OPRM1: variants seen among roughly 807,000 people sequenced by gnomAD.
OPRM1 encodes the protein mu-type opioid receptor.
OPRM1 carries 27 observed loss-of-function variants against 31.8 expected under a neutral mutation model. The observed-to-expected ratio is 0.85, with a 90% CI of 0.63 to 1.17. The LOEUF is 1.17. OPRM1 is among the 50% of genes most tolerant of loss of function. The pLI is 0.00. For synonymous variants in OPRM1, 196 were observed against 189.9 expected, an observed-to-expected ratio of 1.03 and a Z score of -0.26; for missense variants, 536 against 511.1, an observed-to-expected ratio of 1.05 and a Z score of -0.47.
chr6:154,052,233 G>T (rs1303239461), intron 1 of OPRM1, among the ~76,000 whole-genome samples: 1 of 151,972 alleles, frequency 6.6e-6, no homozygotes, highest in Non-Finnish European at 1.5e-5. Flanking sequence ...TGCATGAGGG[G>T]CTTAAAACCT....
intron 1 of OPRM1, among the ~76,000 whole-genome samples, chr6:154,067,746 A>G (rs1785755279): frequency 6.6e-6 from 1 of 151,916 alleles, no homozygotes; most frequent in African/African-American, 2.4e-5. Context: ...GTTCAGAGTA[A>G]GATATTGGCA....
rs1797368069 is a variant in OPRM1 at position 154,122,644 on chromosome 6, T to A, written c.*3923T>A. Among the ~76,000 whole-genome samples the A allele has an allele frequency of 6.6e-6, 1 of 152,232 alleles. No homozygotes were observed. Among genetic ancestry groups the A allele is most frequent in the Non-Finnish European group, 1.5e-5 (1 of 68,040 alleles). On this transcript the variant is annotated 3_prime_UTR_variant, in exon 4 of 4. Transcript: ENST00000330432. The stretch of plus-strand genomic sequence containing the variant: ...AATATAAAAAGTACAAGGAATTGTG[T>A]ACATTACAAACTGCTCCAGAAACAA...
At chr6:154,143,088 T>A (rs969200205) in intron 3 of OPRM1, among the ~76,000 whole-genome samples, 21 of 152,234 alleles carry the variant, frequency 1.4e-4, no homozygotes, top group African/African-American at 4.8e-4. Context: ...CTAATATATA[T>A]ATAAAAAAAG....
At chr6:154,081,696 G>T (rs1789195571) in intron 1 of OPRM1, among the ~76,000 whole-genome samples, 1 of 152,112 alleles carries the variant, frequency 6.6e-6, no homozygotes, top group Admixed American at 6.6e-5. Context: ...ACTTCGACGT[G>T]GTCAGAGAGG....
rs1791691188 is a variant in OPRM1 at position 154,090,040 on chromosome 6, A to G, written c.505A>G (p.Ile169Val). 6.2e-7 allele frequency: 1 copy of G among 1,613,900 alleles called. No individual in the cohort carries two copies. The highest frequency in any genetic ancestry group is 8.5e-7 in the Non-Finnish European group (1 of 1,179,920). ...CTGCACCATGAGTGTTGATCGATAC[A>G]TTGCAGTCTGCCACCCTGTCAAGGC... ...TLCTMSVDRYIAVCHPVKALD... is the reference protein window; with the variant it reads ...TLCTMSVDRYVAVCHPVKALD... Residue 169 changes from isoleucine (I) to valine (V), a missense_variant, in exon 2 of 4, where the codon ATT becomes GTT. By Grantham distance (29) the Ile-to-Val change is conservative. Transcript: ENST00000330432.
At chr6:154,230,395 A>G (rs1025224966) in intron 3 of OPRM1, among the ~76,000 whole-genome samples, 1 of 152,222 alleles carries the variant, frequency 6.6e-6, no homozygotes, top group Non-Finnish European at 1.5e-5. Context: ...AAAAAAATTA[A>G]GTCTTTTAGA....
intron 1 of OPRM1, among the ~76,000 whole-genome samples, chr6:154,067,248 A>C (rs1785621131): frequency 6.6e-6 from 1 of 151,128 alleles, no homozygotes; most frequent in African/African-American, 2.4e-5. Context: ...TAAGTTTTTA[A>C]GTTGTTAACT....
intron 3 of OPRM1, among the ~76,000 whole-genome samples, chr6:154,112,477 G>A (rs1433133484): frequency 6.6e-6 from 1 of 152,216 alleles, no homozygotes; most frequent in Non-Finnish European, 1.5e-5. Context: ...CACAGCAGCT[G>A]AGGAGTTCAG....
upstream of OPRM1, among the ~76,000 whole-genome samples, chr6:154,036,414 T>C (rs534723859): frequency 6.6e-6 from 1 of 151,956 alleles, no homozygotes; most frequent in South Asian, 2.1e-4. Flanking sequence ...TAAAGACCAA[T>C]AGAAAACAAA....
At chr6:154,019,840 C>A (rs993336318) in intron 1 of OPRM1, among the ~76,000 whole-genome samples, 6 of 149,624 alleles carry the variant, frequency 4.0e-5, no homozygotes, top group Admixed American at 2.0e-4. Context: ...CTCAAGCAAT[C>A]CCCCCATCTC....
intron 3 of OPRM1, among the ~76,000 whole-genome samples, chr6:154,110,129 A>T (rs897454995): frequency 1.3e-5 from 2 of 152,176 alleles, no homozygotes; most frequent in African/African-American, 2.4e-5. Flanking sequence ...TAAATACTTC[A>T]GTATACAAAA....
intron 3 of OPRM1, among the ~76,000 whole-genome samples, chr6:154,100,991 C>T (rs1162267996): frequency 2.0e-5 from 3 of 149,864 alleles, no homozygotes; most frequent in Non-Finnish European, 4.4e-5. Context: ...ACCTAAGTCC[C>T]TTGAAGTGTA....
chr6:154,030,900 C>T (rs936198598), intron 1 of OPRM1, among the ~76,000 whole-genome samples: 1 of 151,744 alleles, frequency 6.6e-6, no homozygotes, highest in Non-Finnish European at 1.5e-5. Context: ...TGAAAGCAGT[C>T]ACAGAACAGA....
intron 1 of OPRM1, among the ~76,000 whole-genome samples, chr6:154,014,259 G>A (rs1777883215): frequency 6.6e-6 from 1 of 152,286 alleles, no homozygotes; most frequent in East Asian, 1.9e-4. Context: ...GAGGAGTGAG[G>A]TGGGACACAC....
At chr6:154,020,384 A>C (rs550224550) in intron 1 of OPRM1, among the ~76,000 whole-genome samples, 1 of 152,294 alleles carries the variant, frequency 6.6e-6, no homozygotes, top group South Asian at 2.1e-4. Context: ...ACCATTCTAA[A>C]TGTTGTAATA....
At chr6:154,083,195 C>T (rs1400034777) in intron 1 of OPRM1, among the ~76,000 whole-genome samples, 3 of 152,128 alleles carry the variant, frequency 2.0e-5, no homozygotes, top group Admixed American at 6.5e-5. Context: ...CAATGACATT[C>T]GGCCATGTTC....
rs766909909 is a variant in OPRM1 at position 154,126,891 on chromosome 6, C to T, written c.*8170C>T. Reference sequence around the variant, plus strand: ...CTTTGGGAGGCCGAGGCGGGCGGAACACAAGGTCAGGAGATCAAGACCATC... The same window carrying T: ...CTTTGGGAGGCCGAGGCGGGCGGAATACAAGGTCAGGAGATCAAGACCATC... On this transcript the variant is annotated 3_prime_UTR_variant, in exon 4 of 4. Coordinates refer to ENST00000330432, the MANE Select transcript of OPRM1 (RefSeq NM_000914.5). Among the ~76,000 whole-genome samples, 5 of 152,118 alleles carry T rather than the reference C, an allele frequency of 3.3e-5. No homozygotes were observed. The highest frequency in any genetic ancestry group is 7.4e-5 in the Non-Finnish European group (5 of 68,024).
chr6:154,197,890 T>G (rs1352744038), intron 3 of OPRM1, among the ~76,000 whole-genome samples: 1 of 152,244 alleles, frequency 6.6e-6, no homozygotes, highest in African/African-American at 2.4e-5. Flanking sequence ...AGTAAGCGTT[T>G]GTAGGAGAAA....
At chr6:154,160,166 A>C in intron 3 of OPRM1, 1 of 725,446 alleles carries the variant, frequency 1.4e-6, no homozygotes, top group Non-Finnish European at 2.3e-6. Flanking sequence ...TTGCACGTTA[A>C]TGTTCTAATT....
Sources: allele counts gnomAD v4.1 joint callset (sites outside exome capture counted in the v4.1 genomes callset), GRCh38; gene constraint gnomAD v4.1.1; transcripts MANE v1.5; gene names NCBI Gene and HGNC (gene_info 2026-07-23, HGNC 2026-07-21).